SLC44A1: variants seen among roughly 807,000 people sequenced by gnomAD.
The protein encoded by SLC44A1 is solute carrier family 44 member 1.
A neutral mutation model predicts 79.3 loss-of-function variants in SLC44A1; 26 were observed. The ratio of observed to expected loss-of-function variants is 0.33; its 90% confidence interval spans 0.24 to 0.46. SLC44A1 has a LOEUF of 0.46. SLC44A1 is among the 20% of genes least tolerant of loss of function. The pLI is 1.00. For missense variants in SLC44A1, 688 were observed against 798.1 expected (o/e 0.86, Z 1.66); for synonymous variants, 263 against 286.2 (o/e 0.92, Z 0.82).
At chr9:105,397,735 G>A (rs1293554909), downstream of SLC44A1, among the ~76,000 whole-genome samples, 1 of 152,076 alleles carries the variant, frequency 6.6e-6, no homozygotes, top group Non-Finnish European at 1.5e-5. Flanking sequence ...ACAAGATGAG[G>A]AGATCGAGAC....
rs1564452701 is a variant in SLC44A1, at chr9:105,351,592, GAAA to G, written c.500+3142_500+3144del. ...AGAAAGAGAGAAAGAGAGAAAGAGA[GAAA>G]GAGAAAGAAAGAAAGAAAGAAAGAA... On this transcript the variant is annotated intron_variant, in intron 5 of 15. Coordinates refer to ENST00000374720, the MANE Select transcript of SLC44A1 (RefSeq NM_080546.5). Among the ~76,000 whole-genome samples the G allele has an allele frequency of 3.0e-4, 37 of 121,934 alleles. No individual in the cohort carries two copies. The Middle Eastern group carries it at 0.011, about 37-fold the overall frequency. 80.0% of individuals were successfully genotyped at this position (121,934 alleles called of 152,430 possible).
chr9:105,387,003 C>A (rs1483153124), intron 15 of SLC44A1, among the ~76,000 whole-genome samples: 4 of 123,528 alleles, frequency 3.2e-5, no homozygotes, highest in Non-Finnish European at 4.9e-5. Context: ...GGCGCCATTG[C>A]ATTCCAGCCT....
chr9:105,251,956 C>G (rs1454348671), intron 1 of SLC44A1, among the ~76,000 whole-genome samples: 1 of 151,348 alleles, frequency 6.6e-6, no homozygotes, highest in Non-Finnish European at 1.5e-5. Flanking sequence ...AGCCCATGGG[C>G]CAAATCTGAC....
At chr9:105,332,635 T>C (rs7865985) in intron 3 of SLC44A1, among the ~76,000 whole-genome samples, 32,735 of 152,114 alleles carry the variant, frequency 0.22, 5,716 homozygotes, top group African/African-American at 0.48. Flanking sequence ...TCTTGTTTTC[T>C]TTGTGCTGGA....
intron 2 of SLC44A1, among the ~76,000 whole-genome samples, chr9:105,303,000 T>C (rs1830921661): frequency 6.6e-6 from 1 of 152,078 alleles, no homozygotes; most frequent in African/African-American, 2.4e-5. Context: ...TCCGTAACAT[T>C]TATCAATGGT....
intron 12 of SLC44A1, among the ~76,000 whole-genome samples, chr9:105,373,927 A>T (rs554348499): frequency 3.0e-4 from 45 of 152,334 alleles, no homozygotes; most frequent in African/African-American, 9.4e-4. Context: ...TGTGGCCAGT[A>T]GGTATAGTAT....
intron 1 of SLC44A1, among the ~76,000 whole-genome samples, chr9:105,249,637 G>C (rs933880898): frequency 6.6e-6 from 1 of 150,494 alleles, no homozygotes; most frequent in African/African-American, 2.4e-5. Flanking sequence ...TGATTCTACT[G>C]CCTCAGCTTC....
At chr9:105,260,156 G>T (rs540503595) in intron 1 of SLC44A1, among the ~76,000 whole-genome samples, 1 of 152,160 alleles carries the variant, frequency 6.6e-6, no homozygotes, top group Non-Finnish European at 1.5e-5. Context: ...GGGTTCTGAG[G>T]TCAGAAAAGT....
In SLC44A1 at chr9:105,365,488, A is replaced by G; in HGVS notation, c.1259A>G (p.Lys420Arg). Residue 420 changes from lysine to arginine, a missense_variant, in exon 11 of 16, where the codon AAA (lysine) becomes AGA (arginine). Coordinates refer to ENST00000374720, the MANE Select transcript of SLC44A1 (RefSeq NM_080546.5). ...TTTGGTCATTTTTTAAATAGGGATAAAAGGAATTTGCCATTTACACCTATT... is the reference window on the plus strand; with the variant it reads ...TTTGGTCATTTTTTAAATAGGGATAGAAGGAATTTGCCATTTACACCTATT... ...AVVTYYFTRDKRNLPFTPILA... is the reference protein window; with the variant it reads ...AVVTYYFTRDRRNLPFTPILA... The G allele has an allele frequency of 6.2e-7, 1 of 1,611,740 alleles. No individual in the cohort carries two copies. Among genetic ancestry groups the G allele is most frequent in the East Asian group, 2.2e-5 (1 of 44,846 alleles).
chr9:105,330,106 T>C (rs959934997), intron 3 of SLC44A1, among the ~76,000 whole-genome samples: 1 of 152,168 alleles, frequency 6.6e-6, no homozygotes, highest in Non-Finnish European at 1.5e-5. Flanking sequence ...TAAATGAAGT[T>C]TTTCTTATCC....
chr9:105,379,916 T>G (rs1384231331), intron 13 of SLC44A1, among the ~76,000 whole-genome samples: 1 of 152,176 alleles, frequency 6.6e-6, no homozygotes, highest in Non-Finnish European at 1.5e-5. Context: ...TTATTTGACT[T>G]GGGTTAATAA....
At chr9:105,295,154 AAATT>A (rs1473713613) in intron 1 of SLC44A1, among the ~76,000 whole-genome samples, 2 of 152,318 alleles carry the variant, frequency 1.3e-5, no homozygotes, top group East Asian at 3.9e-4. Flanking sequence ...CCTATTCTAT[AAATT>A]AGAAAAGTCA....
At position 105,244,843 on chromosome 9, in the gene SLC44A1, C is replaced by T. The variant is rs1277525916; in HGVS notation, c.-26C>T. 2 of 1,118,530 alleles carry T rather than the reference C, an allele frequency of 1.8e-6. No individual in the cohort carries two copies. Among genetic ancestry groups the T allele is most frequent in the Non-Finnish European group, 2.2e-6 (2 of 917,142 alleles). 69.3% of individuals were successfully genotyped at this position (1,118,530 alleles called of 1,614,324 possible). A position where few individuals can be genotyped will look rare whatever the true frequency, so the allele number is the denominator to read the frequency against. On this transcript the variant is annotated 5_prime_UTR_variant, in exon 1 of 16. Transcript: ENST00000374720. The stretch of plus-strand genomic sequence containing the variant: ...CGGGGCGTAGCTGCGCGCCCGGCGC[C>T]GCCTCCGGGCTCCTTCGGCCCCGCC...
At chr9:105,332,162 C>T in intron 3 of SLC44A1, among the ~76,000 whole-genome samples, 2 of 148,916 alleles carry the variant, frequency 1.3e-5, no homozygotes, top group Non-Finnish European at 3.0e-5. Flanking sequence ...CTCTGTTGCC[C>T]AGGCTGGAGT....
intron 5 of SLC44A1, 116 bp from the exon 6 acceptor site, chr9:105,356,096 T>C: frequency 5.3e-6 from 4 of 753,804 alleles, no homozygotes; most frequent in Non-Finnish European, 9.1e-6. Context: ...CCCATAATGA[T>C]GTGTGGAGGG....
intron 3 of SLC44A1, among the ~76,000 whole-genome samples, chr9:105,322,383 G>A (rs1366250887): frequency 6.6e-6 from 1 of 152,172 alleles, no homozygotes; most frequent in African/African-American, 2.4e-5. Flanking sequence ...AAAGAAGCCG[G>A]AAGTCTGTTA....
At chr9:105,423,354 G>C (rs1352408984) in intron 15 of SLC44A1, among the ~76,000 whole-genome samples, 2 of 152,054 alleles carry the variant, frequency 1.3e-5, no homozygotes, top group African/African-American at 4.8e-5. Flanking sequence ...ATCCCAGCTG[G>C]TCCAGGAGGC....
rs1216674629 is a variant in SLC44A1 at position 105,309,784 on chromosome 9, G to A, written c.187G>A (p.Asp63Asn). 1.9e-6 allele frequency: 3 copies of A among 1,613,604 alleles called. No individual in the cohort carries two copies. The highest frequency in any genetic ancestry group is 2.5e-6 in the Non-Finnish European group (3 of 1,179,604). The change falls in exon 3 of 16, where the codon GAC becomes AAC. Residue 63 changes from aspartate to asparagine, a missense_variant. Coordinates refer to ENST00000374720, the MANE Select transcript of SLC44A1 (RefSeq NM_080546.5). ...AGCAGCAAGACTAGTGTCAGGATAC[G>A]ACAGCTATGGAAATATCTGTGGGCA... ...GAAARLVSGY[D>N]SYGNICGQKN...
chr9:105,399,987 G>C (rs1828935825), downstream of SLC44A1, among the ~76,000 whole-genome samples: 1 of 151,114 alleles, frequency 6.6e-6, no homozygotes, highest in South Asian at 2.1e-4. Context: ...CCTGAGGTAA[G>C]GTGTTTGAGA....
Sources: allele counts gnomAD v4.1 joint callset (sites outside exome capture counted in the v4.1 genomes callset), GRCh38; gene constraint gnomAD v4.1.1; transcripts MANE v1.5; gene names NCBI Gene and HGNC (gene_info 2026-07-23, HGNC 2026-07-21).